Variants in QTRT2 observed in about 807,000 individuals in gnomAD.
The protein encoded by QTRT2 is queuine tRNA-ribosyltransferase accessory subunit 2, also known as queuine tRNA-ribosyltransferase domain containing 1.
Under a neutral mutation model 44.8 loss-of-function variants are expected in QTRT2, and 32 were observed. The ratio of observed to expected loss-of-function variants is 0.71; its 90% CI spans 0.54 to 0.96. The LOEUF is 0.96. Ranked by LOEUF, QTRT2 falls within the 40% of genes least tolerant of loss-of-function variation. The probability of loss-of-function intolerance (pLI) is 0.00; values close to 1 mark genes in which losing one functional copy is unlikely to be tolerated. For missense variants in QTRT2, 461 were observed against 503.1 expected (o/e 0.92, Z 0.80); for synonymous variants, 182 against 187.4 (o/e 0.97, Z 0.24).
In QTRT2 at chr3:114,076,769, A is replaced by G. The variant is rs764950795; in HGVS notation, c.573A>G (p.Gly191=). 1.2e-6 allele frequency: 2 copies of G among 1,614,010 alleles called. No homozygotes were observed. Among genetic ancestry groups the G allele is most frequent in the Non-Finnish European group, 1.7e-6 (2 of 1,180,012 alleles). ...TTCTTCAGAAGAGTGTGATCATTGGAGTGATTGAAGGTGGAGATGTGATGG... is the reference window on the plus strand; with the variant it reads ...TTCTTCAGAAGAGTGTGATCATTGGGGTGATTGAAGGTGGAGATGTGATGG... ...SEVLQKSVII[G]VIEGGDVMEE... Residue 191 remains glycine, a synonymous_variant, in exon 7 of 10, where the codon GGA becomes GGG. Coordinates refer to ENST00000281273, the MANE Select transcript of QTRT2 (RefSeq NM_024638.4).
At chr3:114,075,208 T>C (rs982858095) in intron 6 of QTRT2, among the ~76,000 whole-genome samples, 1 of 152,230 alleles carries the variant, frequency 6.6e-6, no homozygotes, top group Non-Finnish European at 1.5e-5. Context: ...TATGTTGTTA[T>C]CTATGTTTTA....
chr3:114,076,684 A>G (rs767955180), intron 6 of QTRT2, 59 bp from the exon 7 acceptor site: 151 of 1,537,544 alleles, frequency 9.8e-5, no homozygotes, highest in Non-Finnish European at 1.3e-4. Flanking sequence ...TGTAAGGTTC[A>G]TTTAAACAAA....
rs556669142 is a variant in QTRT2 at position 114,063,921 on chromosome 3, A to G, written c.-21-1316A>G. Among the ~76,000 whole-genome samples, 4 of 152,274 alleles carry G rather than the reference A, an allele frequency of 2.6e-5. No homozygotes were observed. The South Asian group carries it at 8.3e-4, about 32-fold the overall frequency. On this transcript the variant is annotated intron_variant, in intron 2 of 9. Transcript: ENST00000281273. ...AGTATGGTATGCTATAATGCTTAAG[A>G]AAATGGGATCTGGCCGGGCACAGTG...
intron 4 of QTRT2, among the ~76,000 whole-genome samples, chr3:114,067,446 T>G (rs1407127037): frequency 1.3e-5 from 2 of 152,212 alleles, no homozygotes; most frequent in Non-Finnish European, 2.9e-5. Flanking sequence ...ATGATTGTCT[T>G]TTTGACTGAA....
intron 7 of QTRT2, chr3:114,079,607 A>G (rs543245818): frequency 4.0e-4 from 98 of 245,608 alleles, no homozygotes; most frequent in Non-Finnish European, 7.1e-4. Context: ...CTGTGGGGGT[A>G]TATATTATTT....
At chr3:114,082,870 A>G in intron 9 of QTRT2, 76 bp downstream of exon 9, 1 of 695,864 alleles carries the variant, frequency 1.4e-6, no homozygotes. Flanking sequence ...TTATGGGACA[A>G]TTCTCAATTT....
At position 114,057,102 on chromosome 3, in the gene QTRT2, GA is replaced by G. The variant is rs935861445; in HGVS notation, c.-23del. ...GGGCCCCTTTCGACTAGCCTCTGCT[GA>G]AAGGTAGAGTTTTCAGGAAGTTTTT... On this transcript the variant is annotated 5_prime_UTR_variant, in exon 2 of 10. Coordinates refer to ENST00000281273, the MANE Select transcript of QTRT2 (RefSeq NM_024638.4). The G allele has an allele frequency of 7.5e-7, 1 of 1,339,878 alleles. No homozygotes were observed. Among genetic ancestry groups the G allele is most frequent in the African/African-American group, 1.5e-5 (1 of 66,256 alleles). 83.0% of individuals were successfully genotyped at this position (1,339,878 alleles called of 1,614,324 possible). A position where few individuals can be genotyped will look rare whatever the true frequency, so the allele number is the denominator to read the frequency against.
Position 114,068,205 on chromosome 3 carries a change from A to G in QTRT2, c.333+142A>G, listed in dbSNP as rs1206639895. ...ATTTCGATAATTATAGTGGGATGGGATGGTTTATAAGACTTAGAGTAGGGC... is the reference window on the plus strand; with the variant it reads ...ATTTCGATAATTATAGTGGGATGGGGTGGTTTATAAGACTTAGAGTAGGGC... On this transcript the variant is annotated intron_variant, in intron 5 of 9. Coordinates refer to ENST00000281273, the MANE Select transcript of QTRT2 (RefSeq NM_024638.4). 5 of 681,536 alleles carry G rather than the reference A, an allele frequency of 7.3e-6. No homozygotes were observed. In the African/African-American group the frequency reaches 8.9e-5, roughly 12 times the overall value. 42.2% of individuals were successfully genotyped at this position (681,536 alleles called of 1,614,324 possible).
intron 7 of QTRT2, chr3:114,079,550 A>AG (rs2077137814): frequency 1.2e-5 from 2 of 172,440 alleles, no homozygotes; most frequent in Non-Finnish European, 2.5e-5. Flanking sequence ...AAAAAAAAAA[A>AG]GAAACTATGT....
intron 5 of QTRT2, 184 bp downstream of exon 5, chr3:114,068,247 T>A: frequency 1.9e-6 from 1 of 537,190 alleles, no homozygotes; most frequent in Non-Finnish European, 3.4e-6. Flanking sequence ...AGGATGAGGT[T>A]AAGATGAAGA....
At chr3:114,064,624 T>C (rs182346269) in intron 2 of QTRT2, among the ~76,000 whole-genome samples, 2 of 152,374 alleles carry the variant, frequency 1.3e-5, no homozygotes, top group East Asian at 3.9e-4. Flanking sequence ...ATGGATTGCG[T>C]GTATGCTCCA....
intron 4 of QTRT2, 80 bp downstream of exon 4, chr3:114,066,363 A>G: frequency 1.2e-6 from 1 of 805,154 alleles, no homozygotes; most frequent in Non-Finnish European, 2.1e-6. Flanking sequence ...TTGATCTTTC[A>G]TTCATATGTT....
Position 114,080,046 on chromosome 3 carries a change from C to A in QTRT2, c.887C>A (p.Pro296His). 6.2e-7 allele frequency: 1 copy of A among 1,606,070 alleles called. No individual in the cohort carries two copies. The highest frequency in any genetic ancestry group is 8.5e-7 in the Non-Finnish European group (1 of 1,176,598). ...TTCAGTTTTGATTACCAGCCGAATC[C>A]TGAAGAGACACGTAAGTCTTTTGAA... is the stretch of plus-strand genomic sequence containing the variant. ...LTFSFDYQPN[P>H]EETLLQQNGT... Residue 296 changes from proline (P) to histidine (H), a missense_variant, in exon 8 of 10, where the codon CCT becomes CAT. Coordinates refer to ENST00000281273, the MANE Select transcript of QTRT2 (RefSeq NM_024638.4).
At chr3:114,073,565 G>A (rs2077051049) in intron 6 of QTRT2, among the ~76,000 whole-genome samples, 2 of 152,072 alleles carry the variant, frequency 1.3e-5, no homozygotes, top group East Asian at 1.9e-4. Flanking sequence ...TTTTTTGGTA[G>A]AGATGGGGTT....
chr3:114,064,858 T>C (rs953368414), intron 2 of QTRT2, among the ~76,000 whole-genome samples: 6 of 152,230 alleles, frequency 3.9e-5, no homozygotes, highest in Admixed American at 3.9e-4. Flanking sequence ...ATAATCAGTA[T>C]GGCCTAAGCA....
chr3:114,064,927 C>T (rs560006850), intron 2 of QTRT2, among the ~76,000 whole-genome samples: 1 of 152,246 alleles, frequency 6.6e-6, no homozygotes, highest in East Asian at 1.9e-4. Context: ...TCATGGCATT[C>T]TTTCCATGAT....
At chr3:114,063,931 C>G (rs2076919673) in intron 2 of QTRT2, among the ~76,000 whole-genome samples, 1 of 152,078 alleles carries the variant, frequency 6.6e-6, no homozygotes, top group Admixed American at 6.6e-5. Context: ...AAAATGGGAT[C>G]TGGCCGGGCA....
rs191753471 is a variant in QTRT2 at position 114,063,916 on chromosome 3, T to C, written c.-21-1321T>C. On this transcript the variant is annotated intron_variant, in intron 2 of 9. Transcript: ENST00000281273. ...TTCAGAGTATGGTATGCTATAATGC[T>C]TAAGAAAATGGGATCTGGCCGGGCA... is the stretch of plus-strand genomic sequence containing the variant. Among the ~76,000 whole-genome samples the C allele has an allele frequency of 9.5e-4, 145 of 152,258 alleles. 4 individuals are homozygous for C. In the East Asian group the frequency reaches 0.016, roughly 17 times the overall value.
chr3:114,062,974 G>A (rs1559947873), intron 2 of QTRT2, among the ~76,000 whole-genome samples: 1 of 152,208 alleles, frequency 6.6e-6, no homozygotes. Flanking sequence ...GGAGGAGCCA[G>A]CAAGTTCTTG....
Sources: allele counts gnomAD v4.1 joint callset (sites outside exome capture counted in the v4.1 genomes callset), GRCh38; gene constraint gnomAD v4.1.1; transcripts MANE v1.5; gene names NCBI Gene and HGNC (gene_info 2026-07-23, HGNC 2026-07-21).